PNLIP: variants seen among roughly 807,000 people sequenced by gnomAD.
The protein encoded by PNLIP is pancreatic lipase, also known as pancreatic triacylglycerol lipase.
In PNLIP, 49 loss-of-function variants were observed where a neutral mutation model predicts 57.1. The observed-to-expected ratio is 0.86, with a 90% CI of 0.68 to 1.09. PNLIP has a LOEUF of 1.09. PNLIP is among the 50% of genes least tolerant of loss of function. The pLI, the probability that PNLIP is intolerant of heterozygous loss-of-function variation, is 0.00. For missense variants in PNLIP, 503 were observed against 570.2 expected (o/e 0.88, Z 1.20); for synonymous variants, 209 against 200.4 (o/e 1.04, Z -0.36).
chr10:116,555,337 T>C (rs751876396), intron 7 of PNLIP, 40 bp downstream of exon 7: 4 of 1,614,160 alleles, frequency 2.5e-6, no homozygotes, highest in Non-Finnish European at 3.4e-6. Context: ...TGTTATAGTG[T>C]CTGAGTCTAT....
chr10:116,558,755 G>T (rs920771371), intron 9 of PNLIP, among the ~76,000 whole-genome samples: 4 of 151,678 alleles, frequency 2.6e-5, no homozygotes, highest in Non-Finnish European at 4.4e-5. Flanking sequence ...CTCCAGAGTA[G>T]CTAGGATTAC....
At chr10:116,563,674 G>A (rs1847337090) in intron 12 of PNLIP, among the ~76,000 whole-genome samples, 1 of 152,036 alleles carries the variant, frequency 6.6e-6, no homozygotes, top group Admixed American at 6.5e-5. Context: ...AAGTAACTCA[G>A]GAATGGATTT....
chr10:116,566,177 T>A (rs989542159), intron 12 of PNLIP, among the ~76,000 whole-genome samples: 5 of 152,178 alleles, frequency 3.3e-5, no homozygotes, highest in African/African-American at 4.8e-5. Context: ...GAGGAATGGA[T>A]AAACAAACTA....
intron 4 of PNLIP, among the ~76,000 whole-genome samples, chr10:116,549,699 G>A (rs1589554561): frequency 6.6e-6 from 1 of 152,134 alleles, no homozygotes; most frequent in Non-Finnish European, 1.5e-5. Flanking sequence ...GATTACTGGA[G>A]GGAGGGTAAT....
At position 116,549,583 on chromosome 10, in the gene PNLIP, C is replaced by T. The variant is rs1043834604; in HGVS notation, c.324+1101C>T. On this transcript the variant is annotated intron_variant, in intron 4 of 12. Transcript: ENST00000369221. ...AGAATGAGTCAACTCCAGAACCTAT[C>T]CATTGATCCTGAAGACAGATGAGCA... is the stretch of plus-strand genomic sequence containing the variant. Among the ~76,000 whole-genome samples, 7 of 152,268 alleles carry T rather than the reference C, an allele frequency of 4.6e-5. No homozygotes were observed. In the East Asian group the frequency reaches 1.2e-3, roughly 25 times the overall value.
intron 4 of PNLIP, among the ~76,000 whole-genome samples, chr10:116,550,181 C>A (rs1444738109): frequency 6.6e-5 from 10 of 150,962 alleles, no homozygotes. Flanking sequence ...GCCTCAGCCT[C>A]CCGAGTAGCT....
intron 9 of PNLIP, among the ~76,000 whole-genome samples, chr10:116,558,586 T>TACAC (rs200473025): frequency 5.8e-4 from 85 of 147,708 alleles, no homozygotes; most frequent in East Asian, 2.0e-3. Flanking sequence ...AGAAGATAGA[T>TACAC]ACACACACAC....
chr10:116,556,266 AATTAG>A, intron 9 of PNLIP, 148 bp downstream of exon 9: 13 of 593,108 alleles, frequency 2.2e-5, no homozygotes, highest in Non-Finnish European at 3.6e-5. Context: ...AATAGTGATA[AATTAG>A]AGCACTTTAG....
chr10:116,547,532 C>A, intron 3 of PNLIP, 84 bp downstream of exon 3: 2 of 1,092,168 alleles, frequency 1.8e-6, no homozygotes, highest in Non-Finnish European at 2.7e-6. Flanking sequence ...CGAGACCATG[C>A]TGGCTAACAT....
intron 5 of PNLIP, among the ~76,000 whole-genome samples, chr10:116,552,781 G>A (rs936474163): frequency 4.6e-5 from 7 of 152,112 alleles, no homozygotes; most frequent in African/African-American, 1.7e-4. Context: ...AGCTACTCGG[G>A]AGGCTGAGGC....
At position 116,547,312 on chromosome 10, in the gene PNLIP, A is replaced by G. The variant is rs1241252111; in HGVS notation, c.65A>G (p.Glu22Gly). Reference sequence around the variant, plus strand: ...ATTGCAGGAAAAGAAGTTTGCTACGAAAGACTCGGCTGCTTCAGTGATGAC... The same window carrying G: ...ATTGCAGGAAAAGAAGTTTGCTACGGAAGACTCGGCTGCTTCAGTGATGAC... ...GAVAGKEVCY[E>G]RLGCFSDDSP... The change falls in exon 3 of 13, where the codon GAA becomes GGA. Residue 22 changes from glutamate to glycine, a missense_variant. Physicochemically the swap from Glu to Gly is moderately conservative, Grantham distance 98. Coordinates refer to ENST00000369221, the MANE Select transcript of PNLIP (RefSeq NM_000936.4). 2 of 1,614,020 alleles carry G rather than the reference A, an allele frequency of 1.2e-6. No homozygotes were observed. Among genetic ancestry groups the G allele is most frequent in the Non-Finnish European group, 1.7e-6 (2 of 1,180,008 alleles).
chr10:116,546,268 G>A (rs1356100389), intron 2 of PNLIP, 130 bp downstream of exon 2: 12 of 755,978 alleles, frequency 1.6e-5, no homozygotes, highest in East Asian at 1.5e-4. Context: ...CACAGGAGAC[G>A]CATAAGAGCA....
intron 5 of PNLIP, among the ~76,000 whole-genome samples, chr10:116,553,497 G>T (rs903354273): frequency 5.9e-5 from 9 of 152,188 alleles, no homozygotes; most frequent in Admixed American, 2.6e-4. Context: ...GTTGCCTAGA[G>T]TACACAGAAC....
At chr10:116,559,343 A>C in intron 10 of PNLIP, 60 bp downstream of exon 10, 1 of 1,302,984 alleles carries the variant, frequency 7.7e-7, no homozygotes, top group Non-Finnish European at 1.1e-6. Flanking sequence ...TATTATGTCC[A>C]CTGAAAATGT....
chr10:116,553,790 G>T lies in PNLIP; in HGVS notation c.523G>T (p.Ala175Ser). ...VIGHSLGAHA[A>S]GEAGRRTNGT... ...TGGCCACAGCCTGGGTGCCCACGCT[G>T]CTGGGGAGGCTGGAAGGAGAACCAA... The change falls in exon 6 of 13, where the codon GCT becomes TCT. Residue 175 changes from alanine to serine, a missense_variant. Ala to Ser is a moderately conservative substitution (Grantham distance 99). Transcript: ENST00000369221. 6.2e-7 allele frequency: 1 copy of T among 1,613,318 alleles called. No homozygotes were observed. The highest frequency in any genetic ancestry group is 8.5e-7 in the Non-Finnish European group (1 of 1,179,580).
rs1284343427 is a variant in PNLIP, at chr10:116,548,554, C to T, written c.324+72C>T. 4.0e-6 allele frequency: 6 copies of T among 1,511,860 alleles called. No homozygotes were observed. The Admixed American group carries it at 5.3e-5, about 13-fold the overall frequency. 93.7% of individuals were successfully genotyped at this position (1,511,860 alleles called of 1,614,324 possible). A position where few individuals can be genotyped will look rare whatever the true frequency, so the allele number is the denominator to read the frequency against. Reference sequence around the variant, plus strand: ...ATTAACAAACGGTAAGGCACTGGCCCCGACCAATGAGGACAGTGCTTGGAG... The same window carrying T: ...ATTAACAAACGGTAAGGCACTGGCCTCGACCAATGAGGACAGTGCTTGGAG... On this transcript the variant is annotated intron_variant, in intron 4 of 12. Coordinates refer to ENST00000369221, the MANE Select transcript of PNLIP (RefSeq NM_000936.4).
rs150852844 is a variant in PNLIP at position 116,560,486 on chromosome 10, C to T, written c.1131C>T (p.Phe377=). ...CAGGACACATACTAGTTTCTTTGTT[C>T]GGAAATAAAGGAAACTCTAAGCAGT... ...KVTGHILVSL[F]GNKGNSKQYE... Residue 377 remains phenylalanine (F), a synonymous_variant, in exon 11 of 13, where the codon TTC becomes TTT. Transcript: ENST00000369221. 8.2e-4 allele frequency: 1,304 copies of T among 1,597,618 alleles called. 8 individuals are homozygous for T. In the African/African-American group the frequency reaches 0.014, roughly 17 times the overall value.
intron 5 of PNLIP, among the ~76,000 whole-genome samples, chr10:116,552,997 T>A (rs1676793623): frequency 6.6e-6 from 1 of 152,236 alleles, no homozygotes; most frequent in African/African-American, 2.4e-5. Context: ...TGCAGTAATG[T>A]CCTAGGCCTT....
intron 12 of PNLIP, among the ~76,000 whole-genome samples, chr10:116,567,277 C>T (rs1847379744): frequency 6.6e-6 from 1 of 150,852 alleles, no homozygotes; most frequent in South Asian, 2.1e-4. Flanking sequence ...ATTTGATCCA[C>T]ACAGGGAAAG....
Sources: gnomAD v4.1 joint callset for allele counts (sites outside exome capture counted in the v4.1 genomes callset) on GRCh38, gnomAD v4.1.1 for gene constraint, MANE v1.5 for transcripts, NCBI Gene and HGNC (gene_info 2026-07-23, HGNC 2026-07-21) for gene names.